The following MKLN1 variants were observed in gnomAD, a reference collection of about 807,000 sequenced individuals.
MKLN1 encodes muskelin.
A neutral mutation model predicts 99.0 loss-of-function variants in MKLN1; 18 were observed. The observed-to-expected ratio is 0.18, with a 90% CI of 0.13 to 0.27. The LOEUF (loss-of-function observed/expected upper bound fraction) is 0.27. Among genes scored for constraint, MKLN1 ranks in the 10% least tolerant of loss-of-function variants. The probability of loss-of-function intolerance (pLI) is 1.00; values close to 1 mark genes in which losing one functional copy is unlikely to be tolerated. For synonymous variants in MKLN1, 288 were observed against 293.2 expected, an observed-to-expected ratio of 0.98 and a Z score of 0.18; for missense variants, 621 against 875.9, an observed-to-expected ratio of 0.71 and a Z score of 3.67.
chr7:131,415,456 G>T (rs993562987), intron 8 of MKLN1, among the ~76,000 whole-genome samples: 1 of 151,882 alleles, frequency 6.6e-6, no homozygotes, highest in Non-Finnish European at 1.5e-5. Context: ...GAATAAAAAT[G>T]GTTACAATGT....
At chr7:131,474,990 C>T (rs1796925952) in intron 16 of MKLN1, among the ~76,000 whole-genome samples, 2 of 151,978 alleles carry the variant, frequency 1.3e-5, no homozygotes, top group South Asian at 4.2e-4. Context: ...ATGTTTAAAC[C>T]ATCAGATCTC....
At chr7:131,280,305 C>A (rs1798032553) in intron 3 of MKLN1, among the ~76,000 whole-genome samples, 1 of 152,148 alleles carries the variant, frequency 6.6e-6, no homozygotes, top group South Asian at 2.1e-4. Flanking sequence ...GTTTTCATTT[C>A]TCTTGGTATA....
chr7:131,246,643 CTT>C lies in MKLN1; in HGVS notation c.-179+43681_-179+43682del, dbSNP rs11307215. Among the ~76,000 whole-genome samples, 1,106 of 145,150 alleles carry C rather than the reference CTT, an allele frequency of 7.6e-3. 18 individuals are homozygous for C. The highest frequency in any genetic ancestry group is 0.025 in the African/African-American group (1,007 of 39,678). Reference sequence around the variant, plus strand: ...CTTCCTCCAATAAAGTGATTTTAGTCTTTTTTTTTTTTTGACTAATTTTTTGT... The same window carrying C: ...CTTCCTCCAATAAAGTGATTTTAGTCTTTTTTTTTTTGACTAATTTTTTGT... On this transcript the variant is annotated intron_variant, in intron 3 of 7. Coordinates refer to the MKLN1 transcript ENST00000416992.
chr7:131,373,285 T>G (rs978000716), intron 1 of MKLN1, among the ~76,000 whole-genome samples: 16 of 152,228 alleles, frequency 1.1e-4, no homozygotes, highest in South Asian at 6.2e-4. Flanking sequence ...ATCTCCAATT[T>G]TTGAATATTG....
At chr7:131,119,027 A>T (rs7787476) in intron 1 of MKLN1, among the ~76,000 whole-genome samples, 8,363 of 152,276 alleles carry the variant, frequency 0.055, 268 homozygotes, top group Middle Eastern at 0.082. Context: ...GTCTTAACTC[A>T]TTCCAGCATT....
chr7:131,247,372 C>T (rs986985068), intron 3 of MKLN1, among the ~76,000 whole-genome samples: 6 of 151,940 alleles, frequency 3.9e-5, no homozygotes, highest in African/African-American at 7.3e-5. Context: ...CGCACCACCA[C>T]GCCCAGCTAA....
intron 1 of MKLN1, among the ~76,000 whole-genome samples, chr7:131,370,407 T>C (rs1800311886): frequency 6.6e-6 from 1 of 152,016 alleles, no homozygotes; most frequent in South Asian, 2.1e-4. Flanking sequence ...TTAAAGTCTT[T>C]AATTCTTACT....
At chr7:131,230,993 G>A (rs967384803) in intron 3 of MKLN1, among the ~76,000 whole-genome samples, 1 of 151,504 alleles carries the variant, frequency 6.6e-6, no homozygotes, top group East Asian at 1.9e-4. Context: ...TGGTGGTGAC[G>A]CCTGTAGTCC....
chr7:131,161,725 G>T lies in MKLN1; in HGVS notation c.-297+18784G>T, dbSNP rs1316224619. ...CGCCACCACGCCCAGCTAATTTTTTGTATTTTTAGTAGGGACGGGGTTTCA... is the reference window on the plus strand; with the variant it reads ...CGCCACCACGCCCAGCTAATTTTTTTTATTTTTAGTAGGGACGGGGTTTCA... On this transcript the variant is annotated intron_variant, in intron 2 of 7. Coordinates refer to the MKLN1 transcript ENST00000416992. Among the ~76,000 whole-genome samples the T allele has an allele frequency of 8.6e-5, 13 of 151,614 alleles. No homozygotes were observed. The East Asian group carries it at 2.5e-3, about 30-fold the overall frequency.
At chr7:131,273,243 T>C (rs533937238) in intron 3 of MKLN1, among the ~76,000 whole-genome samples, 33 of 152,334 alleles carry the variant, frequency 2.2e-4, no homozygotes, top group African/African-American at 7.7e-4. Context: ...GCCTGTGTTT[T>C]CAGTTCCCTA....
chr7:131,122,597 C>T (rs1470233086), intron 1 of MKLN1, among the ~76,000 whole-genome samples: 6 of 152,182 alleles, frequency 3.9e-5, no homozygotes, highest in Admixed American at 3.3e-4. Context: ...TTCTGTAATA[C>T]ACTGTAATCA....
At chr7:131,305,378 A>G (rs905591394) in intron 3 of MKLN1, among the ~76,000 whole-genome samples, 13 of 152,226 alleles carry the variant, frequency 8.5e-5, no homozygotes, top group Non-Finnish European at 1.9e-4. Flanking sequence ...GAACAGTACT[A>G]TAGAGTTTAC....
chr7:131,335,696 T>G (rs776671768), intron 1 of MKLN1, among the ~76,000 whole-genome samples: 7 of 28,002 alleles, frequency 2.5e-4, no homozygotes, highest in Admixed American at 4.5e-4. Flanking sequence ...GACCTGTAGG[T>G]TTTTTTTTTT....
chr7:131,188,169 GAATA>G (rs949019505), intron 2 of MKLN1, among the ~76,000 whole-genome samples: 6 of 152,098 alleles, frequency 3.9e-5, no homozygotes, highest in African/African-American at 1.2e-4. Flanking sequence ...TGATAAACAT[GAATA>G]AATAAATAAA....
In MKLN1 at chr7:131,188,443, G is replaced by T. The variant is rs184581944; in HGVS notation, c.-296-14414G>T. 4.8e-3 allele frequency among the ~76,000 whole-genome samples: 732 copies of T among 152,330 alleles called. 7 individuals are homozygous for T. The highest frequency in any genetic ancestry group is 0.016 in the African/African-American group (684 of 41,578). On this transcript the variant is annotated intron_variant, in intron 2 of 7. Coordinates refer to the MKLN1 transcript ENST00000416992. ...ACATTTGTGATCAGCTGGTATGTTC[G>T]CTTGGAGCTGGCTGGTCTAAAATGG...
intron 2 of MKLN1, among the ~76,000 whole-genome samples, chr7:131,145,949 T>C (rs1385436962): frequency 1.3e-5 from 2 of 152,194 alleles, no homozygotes; most frequent in Non-Finnish European, 2.9e-5. Context: ...GTGAGGAGAA[T>C]AGATTTGTTT....
intron 3 of MKLN1, among the ~76,000 whole-genome samples, chr7:131,320,685 C>T (rs141545454): frequency 1.3e-4 from 20 of 151,968 alleles, no homozygotes; most frequent in African/African-American, 4.8e-4. Context: ...ACCCATGTGT[C>T]AAAGGTCTAA....
rs141971832 is a variant in MKLN1, at chr7:131,402,726, C to T, written c.703+3293C>T. On this transcript the variant is annotated intron_variant, in intron 6 of 17. Coordinates refer to ENST00000352689, the MANE Select transcript of MKLN1 (RefSeq NM_013255.5). ...TATTCCTGTGTTTCTCCATCAAGCT[C>T]TTGGGTGACAGGTGCATTGTCAGTG... 4.6e-3 allele frequency among the ~76,000 whole-genome samples: 698 copies of T among 152,278 alleles called. 1 individual carries two copies. Among genetic ancestry groups the T allele is most frequent in the Admixed American group, 7.1e-3 (109 of 15,288 alleles).
At chr7:131,326,508 CTAACT>C (rs1454564633), upstream of MKLN1, among the ~76,000 whole-genome samples, 1 of 152,110 alleles carries the variant, frequency 6.6e-6, no homozygotes, top group East Asian at 1.9e-4. Context: ...CCACACGCAG[CTAACT>C]TTTGTATTTT....
Sources: allele counts gnomAD v4.1 joint callset (sites outside exome capture counted in the v4.1 genomes callset), GRCh38; gene constraint gnomAD v4.1.1; transcripts MANE v1.5; gene names NCBI Gene and HGNC (gene_info 2026-07-23, HGNC 2026-07-21).